LECT2: variants seen among roughly 807,000 people sequenced by gnomAD.
LECT2 encodes the protein leukocyte cell derived chemotaxin 2, also known as leukocyte cell-derived chemotaxin-2.
In LECT2, 11 loss-of-function variants were observed where a neutral mutation model predicts 16.6. That is an observed-to-expected ratio of 0.66 (90% confidence interval 0.42 to 1.09). The LOEUF (loss-of-function observed/expected upper bound fraction) is 1.09. Ranked by LOEUF, LECT2 falls within the 50% of genes least tolerant of loss-of-function variation. LECT2 has a pLI of 0.00. For synonymous variants in LECT2, 54 were observed against 64.8 expected (o/e 0.83, Z 0.80); for missense variants, 173 against 184.2 (o/e 0.94, Z 0.35).
chr5:135,947,312 C>G lies in LECT2; in HGVS notation c.*19G>C. ...TAAGATGACTTTTTATTTTGAAGATCTGACCATTGGCCTTCGATTTACAGG... is the reference window on the plus strand; with the variant it reads ...TAAGATGACTTTTTATTTTGAAGATGTGACCATTGGCCTTCGATTTACAGG... On this transcript the variant is annotated 3_prime_UTR_variant, in exon 4 of 4. Transcript: ENST00000274507. 6.2e-7 allele frequency: 1 copy of G among 1,606,274 alleles called. No individual in the cohort carries two copies. Among genetic ancestry groups the G allele is most frequent in the East Asian group, 2.2e-5 (1 of 44,760 alleles).
intron 3 of LECT2, among the ~76,000 whole-genome samples, chr5:135,950,008 C>T (rs1274338513): frequency 1.3e-5 from 2 of 152,170 alleles, no homozygotes; most frequent in African/African-American, 4.8e-5. Flanking sequence ...AGAAGTTTCC[C>T]TTGTGACATT....
chr5:135,947,463 A>C lies in LECT2; in HGVS notation c.324T>G (p.Ile108Met). ...FCVKMFYIKP[I>M]KYKGPIKKGE... ...CCTTCTTAATAGGACCTTTATACTT[A>C]ATTGGCTTAATGTAGAACATTTTGA... Residue 108 changes from isoleucine to methionine, a missense_variant, in exon 4 of 4, where the codon ATT becomes ATG. By Grantham distance (10) the Ile-to-Met change is conservative. Transcript: ENST00000274507. 1 of 1,613,600 alleles carries C rather than the reference A, an allele frequency of 6.2e-7. No homozygotes were observed.
At chr5:135,953,390 C>T (rs549017045) in intron 1 of LECT2, among the ~76,000 whole-genome samples, 3 of 152,116 alleles carry the variant, frequency 2.0e-5, no homozygotes, top group East Asian at 1.9e-4. Context: ...TTAGTAGAGA[C>T]GGAGTTTCAC....
intron 1 of LECT2, among the ~76,000 whole-genome samples, chr5:135,953,294 T>A (rs910387395): frequency 6.6e-6 from 1 of 152,000 alleles, no homozygotes; most frequent in Non-Finnish European, 1.5e-5. Context: ...CTCCATCTCC[T>A]GGGTTCAAGT....
At chr5:135,951,042 A>G in intron 3 of LECT2, 181 bp downstream of exon 3, 2 of 615,756 alleles carry the variant, frequency 3.2e-6, no homozygotes, top group South Asian at 2.1e-5. Context: ...GTACCCCTGA[A>G]CCTAAAATAA....
At chr5:135,951,608 A>G (rs1041561808) in intron 2 of LECT2, 1 of 405,022 alleles carries the variant, frequency 2.5e-6, no homozygotes, top group Non-Finnish European at 4.4e-6. Flanking sequence ...GGTACATAAT[A>G]AGCCTTAAGC....
chr5:135,952,091 C>T (rs1036321586), intron 2 of LECT2, among the ~76,000 whole-genome samples: 30 of 152,370 alleles, frequency 2.0e-4, no homozygotes, highest in Middle Eastern at 3.4e-3. Flanking sequence ...CAAGAATTTA[C>T]TGTATCAATC....
Position 135,951,300 on chromosome 5 carries a change from G to C in LECT2, c.212C>G (p.Thr71Ser), listed in dbSNP as rs747998246. 6.2e-7 allele frequency: 1 copy of C among 1,613,876 alleles called. No individual in the cohort carries two copies. Among genetic ancestry groups the C allele is most frequent in the African/African-American group, 1.3e-5 (1 of 75,024 alleles). The change falls in exon 3 of 4, where the codon ACT becomes AGT. Residue 71 changes from threonine (T) to serine (S), a missense_variant. Thr to Ser is a moderately conservative substitution (Grantham distance 58). Transcript: ENST00000274507. ...TTTCTCCTGGCCCACAATCATTCCA[G>C]TGAATGGTGCGTACACAGTAGATCC... ...SAGSTVYAPF[T>S]GMIVGQEKPY...
chr5:135,952,157 G>A (rs372685662), intron 2 of LECT2, among the ~76,000 whole-genome samples: 2 of 152,230 alleles, frequency 1.3e-5, no homozygotes, highest in Non-Finnish European at 2.9e-5. Flanking sequence ...TTCAAGGGAC[G>A]TTTCCCATAT....
chr5:135,952,410 A>G (rs7724715), intron 2 of LECT2, among the ~76,000 whole-genome samples: 18,945 of 152,150 alleles, frequency 0.12, 1,388 homozygotes, highest in African/African-American at 0.2. Context: ...CTAATATTCA[A>G]CATCCAGAGC....
chr5:135,951,451 T>C, intron 2 of LECT2, 83 bp from the exon 3 acceptor site: 1 of 1,307,114 alleles, frequency 7.7e-7, no homozygotes, highest in Non-Finnish European at 1.1e-6. Flanking sequence ...TAGCCCACTG[T>C]TTGCAGACGA....
intron 3 of LECT2, chr5:135,950,990 T>G: frequency 5.4e-6 from 3 of 552,726 alleles, no homozygotes; most frequent in Non-Finnish European, 9.6e-6. Context: ...GTACACCAAA[T>G]GTCTGTGACA....
At position 135,947,291 on chromosome 5, in the gene LECT2, A is replaced by T. The variant is rs977199461; in HGVS notation, c.*40T>A. 1 of 1,589,454 alleles carries T rather than the reference A, an allele frequency of 6.3e-7. No homozygotes were observed. The highest frequency in any genetic ancestry group is 8.6e-7 in the Non-Finnish European group (1 of 1,163,144). ...AAGGGTATGCATCCAGGTTTTTAAGATGACTTTTTATTTTGAAGATCTGAC... is the reference window on the plus strand; with the variant it reads ...AAGGGTATGCATCCAGGTTTTTAAGTTGACTTTTTATTTTGAAGATCTGAC... On this transcript the variant is annotated 3_prime_UTR_variant, in exon 4 of 4. Transcript: ENST00000274507.
chr5:135,953,867 G>A (rs1177030311), intron 1 of LECT2, among the ~76,000 whole-genome samples: 1 of 152,188 alleles, frequency 6.6e-6, no homozygotes. Flanking sequence ...TGAGATTAGG[G>A]GTGAAGGTAG....
At chr5:135,951,576 G>T (rs1055909781) in intron 2 of LECT2, 6 of 489,086 alleles carry the variant, frequency 1.2e-5, no homozygotes, top group Non-Finnish European at 2.2e-5. Context: ...TCATAAAGAT[G>T]AAAGCATTTA....
intron 1 of LECT2, among the ~76,000 whole-genome samples, chr5:135,953,491 C>T (rs186383336): frequency 2.1e-4 from 32 of 152,280 alleles, no homozygotes; most frequent in Admixed American, 8.5e-4. Flanking sequence ...TGAGCCACTG[C>T]GCCCAGCTGA....
chr5:135,951,858 C>CCTCATTGTATCA (rs1763801310), intron 2 of LECT2, among the ~76,000 whole-genome samples: 1 of 152,066 alleles, frequency 6.6e-6, no homozygotes, highest in Admixed American at 6.5e-5. Context: ...ATGAGTGATA[C>CCTCATTGTATCA]CTCCTGGGTT....
At position 135,951,786 on chromosome 5, in the gene LECT2, T is replaced by G. The variant is rs555464431; in HGVS notation, c.144-418A>C. On this transcript the variant is annotated intron_variant, in intron 2 of 3. Transcript: ENST00000274507. ...TCACATGTTACCCTAGTCTTATTTT[T>G]CTTGCAGTGATCTAGAAAAGTGATT... Among the ~76,000 whole-genome samples the G allele has an allele frequency of 2.0e-5, 3 of 152,342 alleles. No individual in the cohort carries two copies. In the South Asian group the frequency reaches 6.2e-4, roughly 32 times the overall value.
Position 135,952,836 on chromosome 5 carries a change from C to A in LECT2, c.143+35G>T, listed in dbSNP as rs201386563. The A allele has an allele frequency of 1.7e-5, 25 of 1,500,126 alleles. No homozygotes were observed. The East Asian group carries it at 2.0e-4, about 12-fold the overall frequency. 92.9% of individuals were successfully genotyped at this position (1,500,126 alleles called of 1,614,324 possible). On this transcript the variant is annotated intron_variant, in intron 2 of 3. Transcript: ENST00000274507. ...GACACTAAGAAAAGAGGTTAGGGAC[C>A]AAAGGGTTGGGTGGGTGGTTGTGCA...
Sources: gnomAD v4.1 joint callset for allele counts (sites outside exome capture counted in the v4.1 genomes callset) on GRCh38, gnomAD v4.1.1 for gene constraint, MANE v1.5 for transcripts, NCBI Gene and HGNC (gene_info 2026-07-23, HGNC 2026-07-21) for gene names.